The following RORA variants were observed in gnomAD, a reference collection of about 807,000 sequenced individuals.
RORA encodes the protein RAR related orphan receptor A, also known as nuclear receptor ROR-alpha.
In RORA, 7 loss-of-function variants were observed where a neutral mutation model predicts 69.5. The observed-to-expected ratio is 0.10, with a 90% confidence interval of 0.06 to 0.19. RORA has a LOEUF of 0.19. Among genes scored for constraint, RORA ranks in the 10% least tolerant of loss-of-function variants. The pLI, the probability that RORA is intolerant of heterozygous loss-of-function variation, is 1.00. For missense variants in RORA, 457 were observed against 663.0 expected, an observed-to-expected ratio of 0.69 and a Z score of 3.41; for synonymous variants, 261 against 240.8, an observed-to-expected ratio of 1.08 and a Z score of -0.78.
At chr15:61,096,276 C>T (rs1015578212) in intron 1 of RORA, among the ~76,000 whole-genome samples, 1 of 152,112 alleles carries the variant, frequency 6.6e-6, no homozygotes, top group Non-Finnish European at 1.5e-5. Flanking sequence ...TTCTCGGAAT[C>T]GGGTACATGC....
intron 1 of RORA, among the ~76,000 whole-genome samples, chr15:61,109,484 T>TTA (rs1435901085): frequency 6.6e-6 from 1 of 152,198 alleles, no homozygotes; most frequent in African/African-American, 2.4e-5. Context: ...ACTGCCTCTG[T>TTA]TATCACATGG....
rs1475461074 is a variant in RORA, at chr15:61,147,561, T to C, written c.166+81492A>G. Among the ~76,000 whole-genome samples the C allele has an allele frequency of 2.0e-5, 3 of 152,130 alleles. No homozygotes were observed. Among genetic ancestry groups the C allele is most frequent in the Admixed American group, 2.0e-4 (3 of 15,288 alleles). On this transcript the variant is annotated intron_variant, in intron 1 of 10. Coordinates refer to ENST00000335670, the MANE Select transcript of RORA (RefSeq NM_134261.3). This position sits in a 1 kb window ranked among gnomAD's most constrained non-coding sequence, Gnocchi z 4.1. ...ATAGGTTGGAAGCAGGAAAAAAAGA[T>C]GAAATTATTTGAGGAGAAAGTTAGC...
intron 3 of RORA, chr15:60,529,063 A>G (rs2066451664): frequency 6.6e-6 from 1 of 152,222 alleles, no homozygotes; most frequent in Non-Finnish European, 1.5e-5. Flanking sequence ...CTTAGCAACT[A>G]TGTGCCAAAA....
At chr15:60,777,105 C>G (rs182531653) in intron 1 of RORA, among the ~76,000 whole-genome samples, 1 of 152,086 alleles carries the variant, frequency 6.6e-6, no homozygotes, top group Admixed American at 6.6e-5. Flanking sequence ...ACAAGCTGTC[C>G]CATACTCTAA....
At chr15:61,101,609 A>G (rs1260155117) in intron 1 of RORA, among the ~76,000 whole-genome samples, 2 of 152,102 alleles carry the variant, frequency 1.3e-5, no homozygotes, top group Non-Finnish European at 2.9e-5. Context: ...CCTTTAAAAT[A>G]AGAAAATAAC....
intron 2 of RORA, among the ~76,000 whole-genome samples, chr15:60,636,340 G>A (rs2069839322): frequency 6.6e-6 from 1 of 152,128 alleles, no homozygotes; most frequent in African/African-American, 2.4e-5. Flanking sequence ...TGGGAGGAAG[G>A]AATAAAAGAG....
At chr15:60,615,069 C>T (rs920393266) in intron 2 of RORA, 1 of 1,589,520 alleles carries the variant, frequency 6.3e-7, no homozygotes, top group Non-Finnish European at 8.6e-7. Context: ...CACACAGCCC[C>T]CTTTCTGCTT....
At chr15:60,982,476 C>T (rs1037044353) in intron 1 of RORA, among the ~76,000 whole-genome samples, 5 of 152,156 alleles carry the variant, frequency 3.3e-5, no homozygotes, top group Non-Finnish European at 7.4e-5. Context: ...ATGTTTAGAC[C>T]GTGCTCCCTT....
intron 10 of RORA, among the ~76,000 whole-genome samples, chr15:60,498,413 A>G (rs1464063734): frequency 2.6e-5 from 4 of 152,206 alleles, no homozygotes; most frequent in African/African-American, 9.7e-5. Context: ...GTCAACTCCG[A>G]TAACTACACG....
intron 1 of RORA, among the ~76,000 whole-genome samples, chr15:61,210,019 T>A (rs891344357): frequency 6.6e-6 from 1 of 152,220 alleles, no homozygotes; most frequent in Non-Finnish European, 1.5e-5. Context: ...AGCCTTAAAG[T>A]GATGCCTGTC....
Position 61,029,174 on chromosome 15 carries a change from C to T in RORA, c.166+199879G>A, listed in dbSNP as rs532392567. Among the ~76,000 whole-genome samples the T allele has an allele frequency of 4.0e-4, 61 of 151,950 alleles. 5 individuals are homozygous for T. The highest frequency in any genetic ancestry group is 6.6e-5 in the Admixed American group (1 of 15,256). On this transcript the variant is annotated intron_variant, in intron 1 of 10. Coordinates refer to ENST00000335670, the MANE Select transcript of RORA (RefSeq NM_134261.3). Reference sequence around the variant, plus strand: ...AAAAAAAAACATCTAAACACCAACCCGAACCAGATGGTCTGTGAATTATAT... The same window carrying T: ...AAAAAAAAACATCTAAACACCAACCTGAACCAGATGGTCTGTGAATTATAT...
chr15:60,866,293 A>G (rs528494435), intron 1 of RORA, among the ~76,000 whole-genome samples: 1 of 152,172 alleles, frequency 6.6e-6, no homozygotes, highest in South Asian at 2.1e-4. Context: ...CATATTAAAT[A>G]TTTGTCTTTC....
At chr15:60,655,087 A>T (rs2070200312) in intron 2 of RORA, among the ~76,000 whole-genome samples, 2 of 152,184 alleles carry the variant, frequency 1.3e-5, no homozygotes, top group South Asian at 4.1e-4. Flanking sequence ...CTCGTAAAGT[A>T]ATATTTGTTG....
intron 1 of RORA, among the ~76,000 whole-genome samples, chr15:60,919,865 C>G (rs945885319): frequency 1.3e-4 from 20 of 152,100 alleles, no homozygotes; most frequent in African/African-American, 4.6e-4. Flanking sequence ...TATAAAATTT[C>G]TGGATGCAGG....
rs374446786 is a variant in RORA at position 60,515,957 on chromosome 15, T to TTATATATATTTA, written c.283-1201_283-1200insTAAATATATATA. On this transcript the variant is annotated intron_variant, in intron 3 of 10. Coordinates refer to ENST00000335670, the MANE Select transcript of RORA (RefSeq NM_134261.3). ...TATATATTTATATATATTTATATAT[T>TTATATATATTTA]TATATTTATATATATTTATATATTT... Among the ~76,000 whole-genome samples the TTATATATATTTA allele has an allele frequency of 5.2e-3, 92 of 17,572 alleles. 6 individuals are homozygous for TTATATATATTTA. Among genetic ancestry groups the TTATATATATTTA allele is most frequent in the African/African-American group, 8.0e-3 (32 of 4,014 alleles). 11.5% of individuals were successfully genotyped at this position (17,572 alleles called of 152,430 possible). A position where few individuals can be genotyped will look rare whatever the true frequency, so the allele number is the denominator to read the frequency against.
At chr15:60,779,254 G>C (rs1235664179) in intron 1 of RORA, among the ~76,000 whole-genome samples, 1 of 152,198 alleles carries the variant, frequency 6.6e-6, no homozygotes, top group Non-Finnish European at 1.5e-5. Flanking sequence ...TCCCTGGAGT[G>C]ATCCGAGTGG....
At chr15:60,918,698 G>T (rs190607873) in intron 1 of RORA, among the ~76,000 whole-genome samples, 59 of 152,200 alleles carry the variant, frequency 3.9e-4, no homozygotes, top group African/African-American at 1.4e-3. Context: ...TTCTTCTTCT[G>T]GCAGGTGAAG....
intron 1 of RORA, among the ~76,000 whole-genome samples, chr15:60,856,813 G>T (rs1240354095): frequency 6.6e-6 from 1 of 152,224 alleles, no homozygotes; most frequent in Non-Finnish European, 1.5e-5. Flanking sequence ...AGAAGCATGT[G>T]TTGGTAAGGA....
At chr15:61,175,789 A>C (rs1163182262) in intron 1 of RORA, among the ~76,000 whole-genome samples, 1 of 152,188 alleles carries the variant, frequency 6.6e-6, no homozygotes. Flanking sequence ...CACAGAGCTA[A>C]TGAGCCACAA....
Sources: allele counts gnomAD v4.1 joint callset (sites outside exome capture counted in the v4.1 genomes callset), GRCh38; gene constraint gnomAD v4.1.1; non-coding constraint Gnocchi (gnomAD v3.1); transcripts MANE v1.5; gene names NCBI Gene and HGNC (gene_info 2026-07-23, HGNC 2026-07-21).